The following CACNA1H variants were observed in gnomAD, a reference collection of about 807,000 sequenced individuals.
CACNA1H encodes the protein calcium voltage-gated channel subunit alpha1 H, also known as voltage-dependent T-type calcium channel subunit alpha-1H.
Under a neutral mutation model 192.5 loss-of-function variants are expected in CACNA1H, and 149 were observed. The observed-to-expected ratio is 0.77, with a 90% CI of 0.68 to 0.89. The LOEUF (loss-of-function observed/expected upper bound fraction) is 0.89, where lower values mean the gene tolerates loss of function less well. Ranked by LOEUF, CACNA1H falls within the 40% of genes least tolerant of loss-of-function variation. The probability of loss-of-function intolerance (pLI) is 0.00; values close to 1 mark genes in which losing one functional copy is unlikely to be tolerated. For missense variants in CACNA1H, 4,257 were observed against 3,423.5 expected, an observed-to-expected ratio of 1.24 and a Z score of -6.08; for synonymous variants, 2,202 against 1,475.2, an observed-to-expected ratio of 1.49 and a Z score of -11.29.
chr16:1,171,487 C>A (rs537414620), intron 2 of CACNA1H, among the ~76,000 whole-genome samples: 2 of 152,314 alleles, frequency 1.3e-5, no homozygotes. Context: ...AGGAGGCCCG[C>A]GGGAAGCTTC....
intron 2 of CACNA1H, among the ~76,000 whole-genome samples, chr16:1,177,690 C>T (rs1433548455): frequency 2.0e-5 from 3 of 151,844 alleles, no homozygotes; most frequent in Non-Finnish European, 4.4e-5. Context: ...CTGGACGTCC[C>T]AGGGAAGGGC....
At chr16:1,166,389 A>G (rs1963778046) in intron 2 of CACNA1H, among the ~76,000 whole-genome samples, 2 of 152,204 alleles carry the variant, frequency 1.3e-5, no homozygotes, top group African/African-American at 4.8e-5. Context: ...TCAGCCCTGC[A>G]GAGGAGGCCG....
At chr16:1,168,684 G>A (rs924245166) in intron 2 of CACNA1H, among the ~76,000 whole-genome samples, 11 of 152,080 alleles carry the variant, frequency 7.2e-5, no homozygotes, top group African/African-American at 2.7e-4. Context: ...AGCCTGCTGG[G>A]CCCCACTCAT....
At chr16:1,165,627 G>A (rs559314096) in intron 2 of CACNA1H, among the ~76,000 whole-genome samples, 87 of 152,170 alleles carry the variant, frequency 5.7e-4, no homozygotes, top group African/African-American at 1.8e-3. Context: ...CCTTTTCCCC[G>A]CCAGGCACAG....
intron 14 of CACNA1H, 65 bp downstream of exon 14, chr16:1,207,495 G>T (rs944134452): frequency 5.2e-6 from 8 of 1,535,922 alleles, no homozygotes; most frequent in Non-Finnish European, 6.2e-6. Context: ...GCTTCAGGTC[G>T]AGGGGAGGGG....
At chr16:1,193,758 T>C (rs1296002553) in intron 2 of CACNA1H, among the ~76,000 whole-genome samples, 1 of 152,008 alleles carries the variant, frequency 6.6e-6, no homozygotes, top group Non-Finnish European at 1.5e-5. Context: ...AATGCTGACC[T>C]GCTAGGAGGC....
At position 1,210,428 on chromosome 16, in the gene CACNA1H, GTCT is replaced by G; in HGVS notation, c.3907_3909del (p.Phe1303del). 6.2e-7 allele frequency: 1 copy of G among 1,602,138 alleles called. No individual in the cohort carries two copies. ...CAAGATGTTTGATCACGTGGTCCTCGTCTTCATCTTCCTCAACTGCGTCACCAT... is the reference window on the plus strand; with the variant it reads ...CAAGATGTTTGATCACGTGGTCCTCGTCATCTTCCTCAACTGCGTCACCAT... On this transcript the variant is annotated inframe_deletion, in exon 19 of 35. Coordinates refer to ENST00000348261, the MANE Select transcript of CACNA1H (RefSeq NM_021098.3).
In CACNA1H at chr16:1,180,166, C is replaced by A. The variant is rs1216711865; in HGVS notation, c.300-14806C>A. On this transcript the variant is annotated intron_variant, in intron 2 of 34. Transcript: ENST00000348261. This position sits in a 1 kb window ranked among gnomAD's most constrained non-coding sequence, Gnocchi z 4.4. ...GGGTGCCCTGGCTGGGTCCCTGTCC[C>A]TGCACACCGGGTCAGCCGGCTCCTG... Among the ~76,000 whole-genome samples, 1 of 152,114 alleles carries A rather than the reference C, an allele frequency of 6.6e-6. No homozygotes were observed. The highest frequency in any genetic ancestry group is 1.9e-4 in the East Asian group (1 of 5,174).
chr16:1,211,112 G>A (rs1296638451), intron 21 of CACNA1H, 56 bp from the exon 22 acceptor site: 20 of 1,593,474 alleles, frequency 1.3e-5, no homozygotes, highest in Admixed American at 1.7e-5. Flanking sequence ...GAGCTCTGCC[G>A]GCGCCTGGCA....
At chr16:1,211,056 G>A in intron 21 of CACNA1H, 85 bp downstream of exon 21, 1 of 1,558,318 alleles carries the variant, frequency 6.4e-7, no homozygotes, top group Non-Finnish European at 8.7e-7. Context: ...CGCAGTCCTG[G>A]GCTGTTCGCA....
chr16:1,213,425 G>A (rs979152075), intron 26 of CACNA1H, among the ~76,000 whole-genome samples: 1 of 152,008 alleles, frequency 6.6e-6, no homozygotes, highest in Non-Finnish European at 1.5e-5. Flanking sequence ...GGATGTGGGG[G>A]AGCCATCTCA....
At position 1,211,451 on chromosome 16, in the gene CACNA1H, C is replaced by T. The variant is rs940941350; in HGVS notation, c.4351-30C>T. ...GGTGTGGGGTGGGGCACAGGCCAGGCCCTCCGCGGTGACCGTCGCACCCCG... is the reference window on the plus strand; with the variant it reads ...GGTGTGGGGTGGGGCACAGGCCAGGTCCTCCGCGGTGACCGTCGCACCCCG... On this transcript the variant is annotated intron_variant, in intron 22 of 34. Transcript: ENST00000348261. The T allele has an allele frequency of 9.3e-6, 15 of 1,611,840 alleles. No individual in the cohort carries two copies. The Admixed American group carries it at 1.2e-4, about 13-fold the overall frequency.
chr16:1,182,475 C>T (rs567940033), intron 2 of CACNA1H, among the ~76,000 whole-genome samples: 215 of 152,256 alleles, frequency 1.4e-3, no homozygotes, highest in African/African-American at 4.6e-3. Flanking sequence ...GCCCAGCCCC[C>T]GTGCCCTCCT....
intron 2 of CACNA1H, among the ~76,000 whole-genome samples, chr16:1,169,437 G>A (rs1964137956): frequency 6.6e-6 from 1 of 152,204 alleles, no homozygotes; most frequent in Non-Finnish European, 1.5e-5. Context: ...ATTCGCCTTG[G>A]TCCTCGCCAG....
In CACNA1H at chr16:1,154,046, C is replaced by G. The variant is rs1261053751; in HGVS notation, c.299+10C>G. 4.3e-6 allele frequency: 5 copies of G among 1,153,272 alleles called. No individual in the cohort carries two copies. In the East Asian group the frequency reaches 2.1e-4, roughly 48 times the overall value. The allele number at this position is 1,153,272 out of a possible 1,614,324, so 71.4% of individuals were successfully genotyped here. A position where few individuals can be genotyped will look rare whatever the true frequency, so the allele number is the denominator to read the frequency against. ...GGCTGGTCTGCAACCCATATCCTTC[C>G]CGGCCGGCGGGGGGCGGGGGGCGGG... On this transcript the variant is annotated intron_variant, in intron 2 of 34. Coordinates refer to ENST00000348261, the MANE Select transcript of CACNA1H (RefSeq NM_021098.3).
chr16:1,166,898 C>T (rs1469563083), intron 2 of CACNA1H, among the ~76,000 whole-genome samples: 1 of 152,144 alleles, frequency 6.6e-6, no homozygotes, highest in African/African-American at 2.4e-5. Flanking sequence ...GCTCCAGGTT[C>T]GGGGGAAACC....
At chr16:1,208,402 G>A (rs925799021) in intron 16 of CACNA1H, among the ~76,000 whole-genome samples, 181 bp downstream of exon 16, 1 of 152,156 alleles carries the variant, frequency 6.6e-6, no homozygotes, top group Admixed American at 6.5e-5. Flanking sequence ...CTGCTGTTGT[G>A]TGAGGCCGGT....
chr16:1,211,369 G>C (rs907548837), intron 22 of CACNA1H, 75 bp downstream of exon 22: 2 of 1,607,202 alleles, frequency 1.2e-6, no homozygotes, highest in African/African-American at 1.3e-5. Context: ...GCTCCCAGCA[G>C]CGCCGCTGCG....
chr16:1,197,353 G>T (rs1967104010), intron 5 of CACNA1H, among the ~76,000 whole-genome samples: 1 of 152,196 alleles, frequency 6.6e-6, no homozygotes, highest in Admixed American at 6.5e-5. Flanking sequence ...CTGCACGCCG[G>T]CCTGGCCCCA....
Sources: allele counts gnomAD v4.1 joint callset (sites outside exome capture counted in the v4.1 genomes callset), GRCh38; gene constraint gnomAD v4.1.1; non-coding constraint Gnocchi (gnomAD v3.1); transcripts MANE v1.5; gene names NCBI Gene and HGNC (gene_info 2026-07-23, HGNC 2026-07-21).